TRIM72: variants seen among roughly 807,000 people sequenced by gnomAD.
TRIM72 encodes the protein tripartite motif-containing protein 72.
Under a neutral mutation model 31.6 loss-of-function variants are expected in TRIM72, and 33 were observed. The ratio of observed to expected loss-of-function variants is 1.04; its 90% CI spans 0.79 to 1.40. TRIM72 has a LOEUF of 1.40. Among genes scored for constraint, TRIM72 ranks in the 40% most tolerant of loss-of-function variants. TRIM72 has a pLI of 0.00. For synonymous variants in TRIM72, 301 were observed against 314.4 expected, an observed-to-expected ratio of 0.96 and a Z score of 0.45; for missense variants, 666 against 682.7, an observed-to-expected ratio of 0.98 and a Z score of 0.27.
At chr16:31,222,186 A>G (rs1350004503) in intron 5 of TRIM72, among the ~76,000 whole-genome samples, 1 of 152,180 alleles carries the variant, frequency 6.6e-6, no homozygotes, top group African/African-American at 2.4e-5. Context: ...TGAGGTCAGC[A>G]GTTCGAGACT....
chr16:31,224,474 C>T lies in TRIM72; in HGVS notation c.1153C>T (p.Leu385=). The T allele has an allele frequency of 6.8e-7, 1 of 1,474,810 alleles. No homozygotes were observed. Among genetic ancestry groups the T allele is most frequent in the South Asian group, 1.3e-5 (1 of 75,098 alleles). 91.4% of individuals were successfully genotyped at this position (1,474,810 alleles called of 1,614,324 possible). A position where few individuals can be genotyped will look rare whatever the true frequency, so the allele number is the denominator to read the frequency against. ...VPSQGLWLLG[L]REGKILEAHV... is the part of the protein sequence containing the mutation. The stretch of plus-strand genomic sequence containing the variant: ...CTCGCAGGGCCTGTGGCTGCTGGGG[C>T]TGCGCGAGGGCAAGATCCTGGAGGC... Residue 385 remains leucine, a synonymous_variant, in exon 7 of 7, where the codon CTG becomes TTG. Transcript: ENST00000322122.
At chr16:31,223,416 G>A (rs1219917745) in intron 6 of TRIM72, among the ~76,000 whole-genome samples, 2 of 152,232 alleles carry the variant, frequency 1.3e-5, no homozygotes, top group East Asian at 1.9e-4. Flanking sequence ...AGGTTACAGA[G>A]CTCTGGGACA....
chr16:31,224,610 G>T lies in TRIM72; in HGVS notation c.1289G>T (p.Ser430Ile). 1 of 1,553,956 alleles carries T rather than the reference G, an allele frequency of 6.4e-7. No individual in the cohort carries two copies. Among genetic ancestry groups the T allele is most frequent in the South Asian group, 1.2e-5 (1 of 85,650 alleles). The change falls in exon 7 of 7, where the codon AGC becomes ATC. Residue 430 changes from serine to isoleucine, a missense_variant. Physicochemically the swap from Ser to Ile is moderately radical, Grantham distance 142. Coordinates refer to ENST00000322122, the MANE Select transcript of TRIM72 (RefSeq NM_001008274.4). Reference sequence around the variant, plus strand: ...GGCGTCCTCTCCTTCTACGATGCCAGCGACGCCGACGCGCTCGTGCCGCTT... The same window carrying T: ...GGCGTCCTCTCCTTCTACGATGCCATCGACGCCGACGCGCTCGTGCCGCTT... Reference protein sequence around the residue: ...GDGVLSFYDASDADALVPLFA... With the variant: ...GDGVLSFYDAIDADALVPLFA...
At position 31,216,812 on chromosome 16, in the gene TRIM72, G is replaced by T. The variant is rs1246096688; in HGVS notation, c.390+1684G>T. 9.3e-6 allele frequency: 15 copies of T among 1,612,136 alleles called. No homozygotes were observed. Among genetic ancestry groups the T allele is most frequent in the Non-Finnish European group, 1.3e-5 (15 of 1,178,848 alleles). On this transcript the variant is annotated intron_variant, in intron 2 of 6. Transcript: ENST00000322122. The surrounding 1 kb of genome is among the most constrained non-coding windows in gnomAD (Gnocchi z 6.7). ...TCCTCCAACATGCGCATGTCGCGCA[G>T]CACGGCCACGACGAGCTCGGCTGCG... is the stretch of plus-strand genomic sequence containing the variant.
At chr16:31,217,712 T>G (rs2079516859) in intron 2 of TRIM72, among the ~76,000 whole-genome samples, 2 of 151,922 alleles carry the variant, frequency 1.3e-5, no homozygotes, top group South Asian at 4.1e-4. Flanking sequence ...CCTCCCTGGT[T>G]CAAGTGATTC....
At position 31,215,005 on chromosome 16, in the gene TRIM72, C is replaced by G; in HGVS notation, c.267C>G (p.His89Gln). The G allele has an allele frequency of 6.7e-7, 1 of 1,502,400 alleles. No individual in the cohort carries two copies. Among genetic ancestry groups the G allele is most frequent in the Non-Finnish European group, 8.8e-7 (1 of 1,133,884 alleles). 93.1% of individuals were successfully genotyped at this position (1,502,400 alleles called of 1,614,324 possible). Residue 89 changes from histidine to glutamine, a missense_variant, in exon 2 of 7, where the codon CAC becomes CAG. Physicochemically the swap from His to Gln is conservative, Grantham distance 24. Coordinates refer to ENST00000322122, the MANE Select transcript of TRIM72 (RefSeq NM_001008274.4). The surrounding 1 kb of genome is among the most constrained non-coding windows in gnomAD (Gnocchi z 6.3). ...AQVPQGHCEE[H>Q]LDPLSIYCEQ... ...TGCCGCAGGGCCACTGCGAGGAGCA[C>G]CTGGACCCGCTGAGCATCTACTGCG...
chr16:31,215,521 G>A lies in TRIM72; in HGVS notation c.390+393G>A, dbSNP rs2079504183. On this transcript the variant is annotated intron_variant, in intron 2 of 6. Coordinates refer to ENST00000322122, the MANE Select transcript of TRIM72 (RefSeq NM_001008274.4). This position sits in a 1 kb window ranked among gnomAD's most constrained non-coding sequence, Gnocchi z 6.3. ...CTGCACCCGGTGGGCCGTTCGGGCT[G>A]GCTCCCTGCTCGGCGCTGGCCCACT... is the stretch of plus-strand genomic sequence containing the variant. 6.6e-6 allele frequency among the ~76,000 whole-genome samples: 1 copy of A among 152,162 alleles called. No individual in the cohort carries two copies. Among genetic ancestry groups the A allele is most frequent in the Non-Finnish European group, 1.5e-5 (1 of 68,008 alleles).
Position 31,230,997 on chromosome 16 carries a change from G to A in TRIM72, c.*6242G>A, listed in dbSNP as rs757656760. On this transcript the variant is annotated 3_prime_UTR_variant, in exon 7 of 7. Transcript: ENST00000322122. ...TCGCAACCCTGGATCTCACAACAAC[G>A]AGAGCCCCACTAGGTTGCCTCTTTT... 2 of 151,772 alleles carry A rather than the reference G, an allele frequency of 1.3e-5. No homozygotes were observed. The highest frequency in any genetic ancestry group is 4.8e-5 in the African/African-American group (2 of 41,330). The allele number at this position is 151,772 out of a possible 1,614,324, so 9.4% of individuals were successfully genotyped here.
Position 31,224,231 on chromosome 16 carries a change from G to T in TRIM72, c.910G>T (p.Val304Leu). The T allele has an allele frequency of 1.2e-6, 2 of 1,604,966 alleles. No individual in the cohort carries two copies. Among genetic ancestry groups the T allele is most frequent in the Non-Finnish European group, 8.5e-7 (1 of 1,179,888 alleles). ...DPSSAHPSLV[V>L]SSSGRRVECS... ...GAGCTCTGCGCACCCGAGCCTGGTGGTGTCTTCCTCTGGCCGCCGCGTGGA... is the reference window on the plus strand; with the variant it reads ...GAGCTCTGCGCACCCGAGCCTGGTGTTGTCTTCCTCTGGCCGCCGCGTGGA... Residue 304 changes from valine to leucine, a missense_variant, in exon 7 of 7, where the codon GTG becomes TTG. Physicochemically the swap from Val to Leu is conservative, Grantham distance 32 (BLOSUM62 1). Transcript: ENST00000322122.
At position 31,219,916 on chromosome 16, in the gene TRIM72, C is replaced by T. The variant is rs1309266775; in HGVS notation, c.717+397C>T. 6.6e-6 allele frequency among the ~76,000 whole-genome samples: 1 copy of T among 151,858 alleles called. No individual in the cohort carries two copies. Reference sequence around the variant, plus strand: ...TAGCTGGGACTACAGGCACCCGCCACCACGCCTGGCTAATTTTTTCTATTT... The same window carrying T: ...TAGCTGGGACTACAGGCACCCGCCATCACGCCTGGCTAATTTTTTCTATTT... On this transcript the variant is annotated intron_variant, in intron 4 of 6. Coordinates refer to ENST00000322122, the MANE Select transcript of TRIM72 (RefSeq NM_001008274.4). This position sits in a 1 kb window ranked among gnomAD's most constrained non-coding sequence, Gnocchi z 4.2.
intron 4 of TRIM72, among the ~76,000 whole-genome samples, chr16:31,220,455 C>CG (rs1567494451): frequency 6.0e-5 from 2 of 33,330 alleles, no homozygotes; most frequent in East Asian, 1.0e-3. Context: ...GTCTCTTTTG[C>CG]GTTTTTTTTT....
chr16:31,220,897 A>G lies in TRIM72; in HGVS notation c.719A>G (p.Lys240Arg). The G allele has an allele frequency of 4.3e-6, 7 of 1,614,132 alleles. No individual in the cohort carries two copies. Among genetic ancestry groups the G allele is most frequent in the Non-Finnish European group, 5.9e-6 (7 of 1,180,020 alleles). ...CATTCTCTTTTTCTCTCTCTCCAGA[A>G]ATACTGCCTGGTGACCAGCAGGTGA... ...ADKPQTEFLM[K>R]YCLVTSRLQK... Residue 240 changes from lysine (K) to arginine (R), a missense_variant and splice_region_variant, in exon 5 of 7, where the codon AAA becomes AGA. Coordinates refer to ENST00000322122, the MANE Select transcript of TRIM72 (RefSeq NM_001008274.4).
Position 31,216,398 on chromosome 16 carries a change from C to T in TRIM72, c.390+1270C>T. ...GCTGTGGAAGCTTTGTTCTTTTGCTCTTTGCAATAAATCTTGCTGCCGCTA... is the reference window on the plus strand; with the variant it reads ...GCTGTGGAAGCTTTGTTCTTTTGCTTTTTGCAATAAATCTTGCTGCCGCTA... On this transcript the variant is annotated intron_variant, in intron 2 of 6. Transcript: ENST00000322122. This position sits in a 1 kb window ranked among gnomAD's most constrained non-coding sequence, Gnocchi z 6.7. The T allele has an allele frequency of 4.0e-6, 1 of 249,222 alleles. No individual in the cohort carries two copies. Among genetic ancestry groups the T allele is most frequent in the Non-Finnish European group, 7.7e-6 (1 of 129,798 alleles). 15.4% of individuals were successfully genotyped at this position (249,222 alleles called of 1,614,324 possible).
Position 31,224,588 on chromosome 16 carries a change from G to A in TRIM72, c.1267G>A (p.Val423Ile), listed in dbSNP as rs757419145. ...IGLYLSFGDGVLSFYDASDAD... is the reference protein window; with the variant it reads ...IGLYLSFGDGILSFYDASDAD... ...CCTTTACCTGAGCTTCGGCGACGGC[G>A]TCCTCTCCTTCTACGATGCCAGCGA... is the stretch of plus-strand genomic sequence containing the variant. Residue 423 changes from valine to isoleucine, a missense_variant, in exon 7 of 7, where the codon GTC (valine) becomes ATC (isoleucine). Coordinates refer to ENST00000322122, the MANE Select transcript of TRIM72 (RefSeq NM_001008274.4). The A allele has an allele frequency of 6.4e-7, 1 of 1,555,200 alleles. No individual in the cohort carries two copies. The highest frequency in any genetic ancestry group is 8.7e-7 in the Non-Finnish European group (1 of 1,156,056).
intron 2 of TRIM72, among the ~76,000 whole-genome samples, chr16:31,217,668 G>A (rs1050667609): frequency 1.3e-5 from 2 of 149,764 alleles, no homozygotes; most frequent in South Asian, 4.2e-4. Flanking sequence ...AGGCTAGAGT[G>A]CAGTGGCACA....
At chr16:31,214,584 A>G in intron 1 of TRIM72, 148 bp from the exon 2 acceptor site, 2 of 888,618 alleles carry the variant, frequency 2.3e-6, no homozygotes, top group East Asian at 6.8e-5. Context: ...TGGCCGTCAG[A>G]GTCCCATCCA....
In TRIM72 at chr16:31,214,875, C is replaced by T. The variant is rs1329151033; in HGVS notation, c.137C>T (p.Ala46Val). The T allele has an allele frequency of 3.9e-6, 6 of 1,529,428 alleles. No homozygotes were observed. Among genetic ancestry groups the T allele is most frequent in the Non-Finnish European group, 3.5e-6 (4 of 1,146,142 alleles). 94.7% of individuals were successfully genotyped at this position (1,529,428 alleles called of 1,614,324 possible). A position where few individuals can be genotyped will look rare whatever the true frequency, so the allele number is the denominator to read the frequency against. The change falls in exon 2 of 7, where the codon GCG becomes GTG. Residue 46 changes from alanine (A) to valine (V), a missense_variant. Ala to Val is a moderately conservative substitution (Grantham distance 64). Transcript: ENST00000322122. ...ACLGRVAGEP[A>V]ADGTVLCPCC... The stretch of plus-strand genomic sequence containing the variant: ...CTAGGCCGCGTGGCCGGGGAGCCGG[C>T]GGCGGATGGCACCGTTCTCTGCCCC...
chr16:31,225,641 TTC>T lies in TRIM72; in HGVS notation c.*888_*889del, dbSNP rs2079552892. On this transcript the variant is annotated 3_prime_UTR_variant, in exon 7 of 7. Transcript: ENST00000322122. ...AAAAATGCTCATTTCTTTTTTTTAT[TTC>T]TTTTTTTTTTTTTTTTTTTTTTTTT... 6.8e-6 allele frequency: 1 copy of T among 146,688 alleles called. No individual in the cohort carries two copies. Among genetic ancestry groups the T allele is most frequent in the Non-Finnish European group, 1.5e-5 (1 of 68,162 alleles). The allele number at this position is 146,688 out of a possible 1,614,324, so 9.1% of individuals were successfully genotyped here. A position where few individuals can be genotyped will look rare whatever the true frequency, so the allele number is the denominator to read the frequency against.
chr16:31,220,750 C>A, intron 4 of TRIM72, 146 bp from the exon 5 acceptor site: 3 of 1,063,228 alleles, frequency 2.8e-6, no homozygotes, highest in Non-Finnish European at 4.3e-6. Context: ...AGATTACAGG[C>A]ATGAGCCACC....
Sources: gnomAD v4.1 joint callset for allele counts (sites outside exome capture counted in the v4.1 genomes callset) on GRCh38, gnomAD v4.1.1 for gene constraint, Gnocchi (gnomAD v3.1) non-coding constraint, MANE v1.5 for transcripts, NCBI Gene and HGNC (gene_info 2026-07-23, HGNC 2026-07-21) for gene names.